Variants in CLPB observed in about 807,000 individuals in gnomAD.
The protein encoded by CLPB is ClpB family mitochondrial disaggregase.
Under a neutral mutation model 78.4 loss-of-function variants are expected in CLPB, and 40 were observed. The observed-to-expected ratio is 0.51, with a 90% CI of 0.40 to 0.66. The LOEUF (loss-of-function observed/expected upper bound fraction) is 0.66. Ranked by LOEUF, CLPB falls within the 30% of genes least tolerant of loss-of-function variation. CLPB has a pLI of 0.00. For missense variants in CLPB, 780 were observed against 886.9 expected (o/e 0.88, Z 1.53); for synonymous variants, 333 against 348.0 (o/e 0.96, Z 0.48).
Position 72,434,207 on chromosome 11 carries a change from G to C in CLPB, c.268C>G (p.Arg90Gly). 1 of 1,613,530 alleles carries C rather than the reference G, an allele frequency of 6.2e-7. No individual in the cohort carries two copies. Among genetic ancestry groups the C allele is most frequent in the Non-Finnish European group, 8.5e-7 (1 of 1,179,992 alleles). ...TKCLAAATWG[R>G]LPGPEETLPG... ...AGTGTTTCTTCGGGACCAGGAAGGC[G>C]TCCCCAAGTGGCAGCCGCGAGGCAT... Residue 90 changes from arginine (R) to glycine (G), a missense_variant, in exon 1 of 16, where the codon CGC (arginine) becomes GGC (glycine). Coordinates refer to ENST00000538039, the MANE Select transcript of CLPB (RefSeq NM_001258392.3).
In CLPB at chr11:72,402,828, A is replaced by G. The variant is rs1326103640; in HGVS notation, c.542+138T>C. On this transcript the variant is annotated intron_variant, in intron 3 of 15. Coordinates refer to ENST00000538039, the MANE Select transcript of CLPB (RefSeq NM_001258392.3). Reference sequence around the variant, plus strand: ...CTATACAGTCCAATGCACCAGGTGAAGTCCAGTACCTCAGTCTGAATCTAT... The same window carrying G: ...CTATACAGTCCAATGCACCAGGTGAGGTCCAGTACCTCAGTCTGAATCTAT... The G allele has an allele frequency of 1.4e-5, 9 of 651,118 alleles. No individual in the cohort carries two copies. In the African/African-American group the frequency reaches 1.4e-4, roughly 10 times the overall value. The allele number at this position is 651,118 out of a possible 1,614,324, so 40.3% of individuals were successfully genotyped here. A position where few individuals can be genotyped will look rare whatever the true frequency, so the allele number is the denominator to read the frequency against.
intron 4 of CLPB, among the ~76,000 whole-genome samples, chr11:72,362,047 C>T (rs1414295403): frequency 6.6e-6 from 1 of 152,238 alleles, no homozygotes; most frequent in Non-Finnish European, 1.5e-5. Flanking sequence ...AGGAGGCCCA[C>T]TGCTCACCTC....
intron 7 of CLPB, among the ~76,000 whole-genome samples, chr11:72,314,679 T>A (rs1949908158): frequency 6.6e-6 from 1 of 151,788 alleles, no homozygotes; most frequent in Non-Finnish European, 1.5e-5. Flanking sequence ...CTGCAGTCAA[T>A]TGCTCCTGAA....
At chr11:72,396,966 A>G (rs1245870724) in intron 3 of CLPB, among the ~76,000 whole-genome samples, 2 of 152,234 alleles carry the variant, frequency 1.3e-5, no homozygotes, top group Non-Finnish European at 2.9e-5. Flanking sequence ...TTTTTAAGAT[A>G]TATAATTTAA....
chr11:72,353,794 G>T (rs764616909), intron 5 of CLPB, among the ~76,000 whole-genome samples: 4 of 152,144 alleles, frequency 2.6e-5, no homozygotes, highest in Non-Finnish European at 4.4e-5. Flanking sequence ...CAGAGAGGCC[G>T]AACAAACTGC....
intron 6 of CLPB, among the ~76,000 whole-genome samples, chr11:72,319,045 G>C (rs1949999734): frequency 6.6e-6 from 1 of 152,176 alleles, no homozygotes; most frequent in Admixed American, 6.5e-5. Flanking sequence ...GGCTTGCAAG[G>C]GTTTGTTGGG....
At chr11:72,388,432 T>C (rs1445170194) in intron 3 of CLPB, among the ~76,000 whole-genome samples, 2 of 152,042 alleles carry the variant, frequency 1.3e-5, no homozygotes, top group Non-Finnish European at 2.9e-5. Context: ...TTTGCATTTT[T>C]AGTACAGCCG....
At chr11:72,408,267 C>T (rs1565087802) in intron 2 of CLPB, 9 of 1,128,150 alleles carry the variant, frequency 8.0e-6, no homozygotes, top group Non-Finnish European at 1.2e-5. Context: ...CAGATTCTAG[C>T]TCTGTCACTT....
chr11:72,345,487 T>C (rs1247732298), intron 5 of CLPB, among the ~76,000 whole-genome samples: 1 of 152,178 alleles, frequency 6.6e-6, no homozygotes, highest in Non-Finnish European at 1.5e-5. Flanking sequence ...TATTTGCTTA[T>C]ACAAAGAAAC....
At chr11:72,349,222 C>T (rs891908686) in intron 5 of CLPB, among the ~76,000 whole-genome samples, 1 of 152,194 alleles carries the variant, frequency 6.6e-6, no homozygotes, top group African/African-American at 2.4e-5. Context: ...GCTTGCTTGA[C>T]AGCAAGGCAG....
chr11:72,358,618 C>T (rs1455036475), intron 5 of CLPB, among the ~76,000 whole-genome samples: 2 of 152,148 alleles, frequency 1.3e-5, no homozygotes, highest in African/African-American at 4.8e-5. Context: ...TATCACACCA[C>T]ATATAGGCAG....
At chr11:72,419,288 A>G (rs546240301) in intron 2 of CLPB, among the ~76,000 whole-genome samples, 30 of 152,322 alleles carry the variant, frequency 2.0e-4, no homozygotes, top group Admixed American at 3.3e-4. Context: ...GGCGACATAA[A>G]TGATGGTAGG....
chr11:72,411,166 A>G (rs899780053), intron 2 of CLPB, among the ~76,000 whole-genome samples: 1 of 152,228 alleles, frequency 6.6e-6, no homozygotes, highest in African/African-American at 2.4e-5. Context: ...GGCACACCAC[A>G]AAGCTCGGGG....
intron 2 of CLPB, chr11:72,410,823 T>C (rs888103577): frequency 1.3e-5 from 2 of 152,254 alleles, no homozygotes; most frequent in African/African-American, 4.8e-5. Flanking sequence ...GTAACAGCTA[T>C]TACCACTGAT....
chr11:72,295,403 C>A, intron 12 of CLPB, 89 bp downstream of exon 12: 1 of 1,437,160 alleles, frequency 7.0e-7, no homozygotes. Flanking sequence ...GAACCTTCAC[C>A]TGGGCCCAGG....
chr11:72,385,310 C>T (rs1855042499), intron 3 of CLPB, among the ~76,000 whole-genome samples: 1 of 152,126 alleles, frequency 6.6e-6, no homozygotes, highest in Admixed American at 6.5e-5. Context: ...ATGTAATATT[C>T]CCACTAATAC....
At chr11:72,408,528 G>A (rs1484472647) in intron 2 of CLPB, among the ~76,000 whole-genome samples, 2 of 151,924 alleles carry the variant, frequency 1.3e-5, no homozygotes, top group African/African-American at 4.8e-5. Context: ...TTAGCCGGGT[G>A]TGGTGGCACA....
At position 72,408,884 on chromosome 11, in the gene CLPB, G is replaced by A. The variant is rs144963433; in HGVS notation, c.456-5832C>T. On this transcript the variant is annotated intron_variant, in intron 2 of 15. Transcript: ENST00000538039. ...TTTCAAAGTCCTGGGCCAGCTAGGC[G>A]GCGGGCTGCCCGCTGAGAGAGGCTG... 2.3e-3 allele frequency among the ~76,000 whole-genome samples: 346 copies of A among 152,328 alleles called. 2 individuals carry two copies. The highest frequency in any genetic ancestry group is 7.7e-3 in the African/African-American group (319 of 41,574).
chr11:72,293,277 C>T lies in CLPB; in HGVS notation c.*90G>A, dbSNP rs1253035150. ...GCCTGAGACTGGGTAGAGATGGGAG[C>T]GGCATGAGGGGAAGGTAAGTCAGTT... On this transcript the variant is annotated 3_prime_UTR_variant, in exon 16 of 16. Transcript: ENST00000538039. The T allele has an allele frequency of 8.8e-6, 13 of 1,475,886 alleles. No individual in the cohort carries two copies. Among genetic ancestry groups the T allele is most frequent in the Admixed American group, 7.3e-5 (4 of 54,984 alleles). The allele number at this position is 1,475,886 out of a possible 1,614,324, so 91.4% of individuals were successfully genotyped here. A position where few individuals can be genotyped will look rare whatever the true frequency, so the allele number is the denominator to read the frequency against.
Sources: gnomAD v4.1 joint callset for allele counts (sites outside exome capture counted in the v4.1 genomes callset) on GRCh38, gnomAD v4.1.1 for gene constraint, MANE v1.5 for transcripts, NCBI Gene and HGNC (gene_info 2026-07-23, HGNC 2026-07-21) for gene names.